The following MEMO1 variants were observed in gnomAD, a reference collection of about 807,000 sequenced individuals.
MEMO1 encodes the protein mediator of cell motility 1.
MEMO1 carries 6 observed loss-of-function variants against 45.2 expected under a neutral mutation model. That is an observed-to-expected ratio of 0.13 (90% CI 0.07 to 0.26). The LOEUF (loss-of-function observed/expected upper bound fraction) is 0.26, where lower values mean the gene tolerates loss of function less well. Among genes scored for constraint, MEMO1 ranks in the 10% least tolerant of loss-of-function variants. The pLI is 1.00. For synonymous variants in MEMO1, 78 were observed against 124.3 expected (o/e 0.63, Z 2.48); for missense variants, 184 against 370.5 (o/e 0.50, Z 4.13).
intron 6 of MEMO1, among the ~76,000 whole-genome samples, chr2:31,915,559 G>A (rs1327987590): frequency 2.7e-5 from 4 of 148,568 alleles, no homozygotes; most frequent in Non-Finnish European, 4.5e-5. Context: ...AAAAACAGAA[G>A]GGGGAAAAAA....
At chr2:31,876,086 TG>T (rs1304204610) in intron 8 of MEMO1, among the ~76,000 whole-genome samples, 1 of 152,216 alleles carries the variant, frequency 6.6e-6, no homozygotes, top group Admixed American at 6.5e-5. Context: ...CACTTCCTAT[TG>T]TACTTATATA....
chr2:31,895,031 A>G lies in MEMO1; in HGVS notation c.438-2897T>C, dbSNP rs1223221869. Among the ~76,000 whole-genome samples the G allele has an allele frequency of 3.3e-5, 5 of 152,328 alleles. 1 individual carries two copies. The South Asian group carries it at 1.0e-3, about 32-fold the overall frequency. On this transcript the variant is annotated intron_variant, in intron 6 of 9. Transcript: ENST00000404530. ...AAAGCCAAGCTTAAAATTAAAAATT[A>G]AGAAGTTTTAAAAGCTGGGGAGACA...
chr2:31,977,549 T>C (rs1032455255), intron 2 of MEMO1, among the ~76,000 whole-genome samples: 1 of 152,230 alleles, frequency 6.6e-6, no homozygotes, highest in Non-Finnish European at 1.5e-5. Context: ...GTTCTCACTC[T>C]GTCACCCAGG....
Position 31,960,591 on chromosome 2 carries a change from C to CTATT in MEMO1, c.62-17212_62-17209dup, listed in dbSNP as rs915789193. Among the ~76,000 whole-genome samples the CTATT allele has an allele frequency of 2.6e-4, 40 of 152,058 alleles. No individual in the cohort carries two copies. In the East Asian group the frequency reaches 4.8e-3, roughly 18 times the overall value. ...TTCAATATGAAAAGTAAAATCTTCT[C>CTATT]TATTTATTTATTTATTTAGAGTCTC... On this transcript the variant is annotated intron_variant, in intron 2 of 9. Transcript: ENST00000404530.
At chr2:31,917,423 G>A (rs892030260) in intron 6 of MEMO1, among the ~76,000 whole-genome samples, 4 of 152,036 alleles carry the variant, frequency 2.6e-5, no homozygotes, top group African/African-American at 4.8e-5. Context: ...GTCCTCGTTC[G>A]GCTCACAGTA....
chr2:31,966,565 T>G (rs1203900271), intron 2 of MEMO1, among the ~76,000 whole-genome samples: 1 of 151,934 alleles, frequency 6.6e-6, no homozygotes, highest in Non-Finnish European at 1.5e-5. Flanking sequence ...ACCCCCTTTC[T>G]ACCAAAAATA....
chr2:31,869,835 T>G lies in MEMO1; in HGVS notation c.762+13A>C. Reference sequence around the variant, plus strand: ...CCAAATGTTAAAAGTCAAGGCTTCCTAAGGATACTCACATTTAATAACACC... The same window carrying G: ...CCAAATGTTAAAAGTCAAGGCTTCCGAAGGATACTCACATTTAATAACACC... On this transcript the variant is annotated intron_variant, in intron 9 of 9. Coordinates refer to ENST00000404530, the MANE Select transcript of MEMO1 (RefSeq NM_001301833.4). 1 of 1,568,702 alleles carries G rather than the reference T, an allele frequency of 6.4e-7. No homozygotes were observed. Among genetic ancestry groups the G allele is most frequent in the African/African-American group, 1.4e-5 (1 of 71,802 alleles).
At chr2:31,973,619 A>T (rs1669666197) in intron 2 of MEMO1, among the ~76,000 whole-genome samples, 1 of 152,232 alleles carries the variant, frequency 6.6e-6, no homozygotes, top group South Asian at 2.1e-4. Context: ...ACATACAATA[A>T]AGTATTATTC....
chr2:31,972,194 T>C (rs1669493846), intron 2 of MEMO1, among the ~76,000 whole-genome samples: 1 of 152,194 alleles, frequency 6.6e-6, no homozygotes, highest in African/African-American at 2.4e-5. Context: ...CTGATGAACC[T>C]TTCTTTGAAC....
At chr2:31,924,588 T>C (rs1447792725) in intron 4 of MEMO1, among the ~76,000 whole-genome samples, 1 of 152,198 alleles carries the variant, frequency 6.6e-6, no homozygotes, top group Non-Finnish European at 1.5e-5. Context: ...GCACCCAATG[T>C]ATAAGCTGCC....
At position 31,963,307 on chromosome 2, in the gene MEMO1, TAGATA is replaced by T. The variant is rs1464137192; in HGVS notation, c.62-19929_62-19925del. The T allele has an allele frequency of 4.1e-6, 6 of 1,456,004 alleles. No homozygotes were observed. The African/African-American group carries it at 8.4e-5, about 21-fold the overall frequency. The allele number at this position is 1,456,004 out of a possible 1,614,324, so 90.2% of individuals were successfully genotyped here. The stretch of plus-strand genomic sequence containing the variant: ...ACAGATCTACAGATAGGGATACAGA[TAGATA>T]TAGATACAAATATAGTTATAAAGGT... On this transcript the variant is annotated intron_variant, in intron 2 of 9. Coordinates refer to ENST00000404530, the MANE Select transcript of MEMO1 (RefSeq NM_001301833.4).
At position 31,943,343 on chromosome 2, in the gene MEMO1, T is replaced by C. The variant is rs1665832142; in HGVS notation, c.102A>G (p.Gln34=). 6.2e-7 allele frequency: 1 copy of C among 1,613,858 alleles called. No individual in the cohort carries two copies. Among genetic ancestry groups the C allele is most frequent in the Non-Finnish European group, 8.5e-7 (1 of 1,179,882 alleles). The change falls in exon 3 of 10, where the codon CAA becomes CAG. Residue 34 remains glutamine (Q), a synonymous_variant. Coordinates refer to ENST00000404530, the MANE Select transcript of MEMO1 (RefSeq NM_001301833.4). ...LNAQLEGWLS[Q]VQSTKRPARA... The stretch of plus-strand genomic sequence containing the variant: ...TAGCAGGTCTTTTTGTAGACTGTAC[T>C]TGTGAAAGCCAACCTTCTAGCTGTG...
At chr2:31,939,121 AAAGAT>A (rs1665305264) in intron 3 of MEMO1, among the ~76,000 whole-genome samples, 1 of 152,080 alleles carries the variant, frequency 6.6e-6, no homozygotes, top group Non-Finnish European at 1.5e-5. Context: ...AAAAAAAAAA[AAAGAT>A]AGCCTTGGAA....
intron 2 of MEMO1, among the ~76,000 whole-genome samples, chr2:31,977,848 T>C (rs1406004660): frequency 6.6e-6 from 1 of 152,178 alleles, no homozygotes; most frequent in Non-Finnish European, 1.5e-5. Context: ...TTTTACACTA[T>C]GAAACTTCAC....
intron 5 of MEMO1, among the ~76,000 whole-genome samples, chr2:31,919,481 T>C (rs1279254210): frequency 6.6e-6 from 1 of 152,006 alleles, no homozygotes; most frequent in South Asian, 2.1e-4. Flanking sequence ...ACAAGAAATT[T>C]CTGCAAAATT....
intron 4 of MEMO1, among the ~76,000 whole-genome samples, 186 bp downstream of exon 4, chr2:31,931,878 CCAA>C (rs1004679955): frequency 1.3e-5 from 2 of 152,014 alleles, no homozygotes; most frequent in African/African-American, 2.4e-5. Flanking sequence ...ATCAAATGCT[CCAA>C]CAACAACAAA....
intron 2 of MEMO1, among the ~76,000 whole-genome samples, chr2:31,954,967 G>A (rs1446650017): frequency 2.6e-5 from 4 of 151,806 alleles, no homozygotes; most frequent in South Asian, 2.1e-4. Context: ...GAGACTGGGC[G>A]CAGTGGCTCA....
At chr2:31,967,916 T>C (rs1050913825) in intron 2 of MEMO1, among the ~76,000 whole-genome samples, 1 of 152,164 alleles carries the variant, frequency 6.6e-6, no homozygotes. Flanking sequence ...TCTTCAAATA[T>C]TATCTTGGAG....
intron 2 of MEMO1, among the ~76,000 whole-genome samples, chr2:31,977,661 G>A (rs943208281): frequency 6.6e-6 from 1 of 151,958 alleles, no homozygotes; most frequent in African/African-American, 2.4e-5. Flanking sequence ...CTACAGGTGT[G>A]CGCCACCACT....
Sources: gnomAD v4.1 joint callset for allele counts (sites outside exome capture counted in the v4.1 genomes callset) on GRCh38, gnomAD v4.1.1 for gene constraint, MANE v1.5 for transcripts, NCBI Gene and HGNC (gene_info 2026-07-23, HGNC 2026-07-21) for gene names.